Variants in PDLIM2 observed in about 807,000 individuals in gnomAD.
The protein encoded by PDLIM2 is PDZ and LIM domain 2.
Under a neutral mutation model 54.1 loss-of-function variants are expected in PDLIM2, and 51 were observed. That is an observed-to-expected ratio of 0.94 (90% CI 0.75 to 1.19). The LOEUF (loss-of-function observed/expected upper bound fraction) is 1.19. Ranked by LOEUF, PDLIM2 falls within the 50% of genes most tolerant of loss-of-function variation. PDLIM2 has a pLI of 0.00. For missense variants in PDLIM2, 912 were observed against 874.0 expected (o/e 1.04, Z -0.55); for synonymous variants, 398 against 385.6 (o/e 1.03, Z -0.38).
rs150765472 is a variant in PDLIM2, at chr8:22,586,724, C to A, written c.1290+1325C>A. On this transcript the variant is annotated intron_variant, in intron 6 of 9. Transcript: ENST00000308354. The stretch of plus-strand genomic sequence containing the variant: ...TGGTGGGCTGTGGTCTCAGCAGGAC[C>A]CACGTGCTCAAGGGCAAGCCTTCCC... 8.5e-5 allele frequency among the ~76,000 whole-genome samples: 13 copies of A among 152,266 alleles called. No homozygotes were observed. The East Asian group carries it at 2.1e-3, about 25-fold the overall frequency.
downstream of PDLIM2, chr8:22,594,678 C>A: frequency 6.3e-7 from 1 of 1,596,152 alleles, no homozygotes; most frequent in Non-Finnish European, 8.5e-7. Context: ...GGACCGGCCG[C>A]CCACCAAGGG....
In PDLIM2 at chr8:22,584,998, A is replaced by T; in HGVS notation, c.1066-19A>T. ...GCGGGGCAGCCCTGCCTTTCCTGAC[A>T]CAGTCACTCTCTCCACAGGGCTCCG... is the stretch of plus-strand genomic sequence containing the variant. On this transcript the variant is annotated intron_variant, in intron 4 of 9. Coordinates refer to ENST00000308354, the Ensembl canonical transcript of PDLIM2. The T allele has an allele frequency of 6.2e-7, 1 of 1,613,298 alleles. No individual in the cohort carries two copies. The highest frequency in any genetic ancestry group is 8.5e-7 in the Non-Finnish European group (1 of 1,179,596).
At chr8:22,586,122 C>G (rs779645441) in intron 6 of PDLIM2, among the ~76,000 whole-genome samples, 2 of 152,174 alleles carry the variant, frequency 1.3e-5, no homozygotes, top group African/African-American at 2.4e-5. Flanking sequence ...TATGGCCCAG[C>G]TGCTGAGCCC....
chr8:22,589,773 AG>A, intron 8 of PDLIM2, 32 bp downstream of exon 7: 4 of 1,553,216 alleles, frequency 2.6e-6, no homozygotes, highest in Non-Finnish European at 3.5e-6. Flanking sequence ...GAGGGGAAGG[AG>A]GTTCCCTTCC....
chr8:22,579,551 C>G (rs937984764), intron 1 of PDLIM2: 13 of 1,439,384 alleles, frequency 9.0e-6, no homozygotes, highest in South Asian at 4.1e-5. Flanking sequence ...GGGGCGGCCG[C>G]GAGCCGGCCT....
intron 9 of PDLIM2, chr8:22,591,984 C>G: frequency 4.4e-6 from 1 of 226,316 alleles, no homozygotes; most frequent in Non-Finnish European, 8.6e-6. Flanking sequence ...GAAAATCTTG[C>G]TCTTTCCCCT....
rs1481384231 is a variant in PDLIM2, at chr8:22,585,034, C to A, written c.1083C>A (p.Tyr361Ter). ...CTCCACAGGGCTCCGTGAGGACATA[C>A]ACTGAGAGTCAGTCCTCCTTAAGGT... Residue 361 changes from tyrosine (Y) to a stop codon, truncating the protein, a stop_gained, in exon 5 of 10, where the codon TAC (tyrosine) becomes TAA (stop). Coordinates refer to ENST00000308354, the Ensembl canonical transcript of PDLIM2. LOFTEE classifies it high-confidence loss of function. The A allele has an allele frequency of 1.9e-6, 3 of 1,613,864 alleles. No homozygotes were observed. The highest frequency in any genetic ancestry group is 2.5e-6 in the Non-Finnish European group (3 of 1,179,968).
chr8:22,594,015 T>C (rs1800628539), exon 10 of PDLIM2: 2 of 1,469,730 alleles, frequency 1.4e-6, no homozygotes, highest in Non-Finnish European at 1.8e-6. Flanking sequence ...TGAGCTAAGT[T>C]TGGAGACCTG....
At chr8:22,595,269 C>T (rs2117375700), downstream of PDLIM2, 1 of 152,396 alleles carries the variant, frequency 6.6e-6, no homozygotes, top group South Asian at 2.1e-4. Context: ...ATCATTGTCT[C>T]ACCTTTTGCC....
intron 6 of PDLIM2, 101 bp from the exon 6 acceptor site, chr8:22,589,197 C>T (rs1297672382): frequency 3.1e-6 from 4 of 1,281,038 alleles, no homozygotes; most frequent in African/African-American, 1.5e-5. Context: ...GGGCCGGGGG[C>T]CCCCTGGTGT....
chr8:22,595,027 G>A (rs546953608), downstream of PDLIM2: 1 of 169,770 alleles, frequency 5.9e-6, no homozygotes, highest in Non-Finnish European at 1.3e-5. Context: ...TCCCCTGCCA[G>A]CCTAGGATTT....
At chr8:22,581,196 T>TGCCAC in intron 2 of PDLIM2, 183 bp from the exon 2 acceptor site, 1 of 726,392 alleles carries the variant, frequency 1.4e-6, no homozygotes, top group Non-Finnish European at 2.3e-6. Flanking sequence ...GGGTGGGGGC[T>TGCCAC]GCCACCTGCG....
chr8:22,581,342 GC>G, intron 2 of PDLIM2, 36 bp from the exon 2 acceptor site: 1 of 1,561,374 alleles, frequency 6.4e-7, no homozygotes, highest in South Asian at 1.2e-5. Flanking sequence ...CTCCAGCTGG[GC>G]CACGGTCTGA....
intron 3 of PDLIM2, among the ~76,000 whole-genome samples, chr8:22,583,142 C>G (rs1238968098): frequency 6.6e-6 from 1 of 152,102 alleles, no homozygotes; most frequent in Non-Finnish European, 1.5e-5. Flanking sequence ...TGTCCCTCAG[C>G]CCAGACTTCA....
At chr8:22,582,618 T>C (rs2117340442) in intron 3 of PDLIM2, among the ~76,000 whole-genome samples, 1 of 149,106 alleles carries the variant, frequency 6.7e-6, no homozygotes, top group African/African-American at 2.5e-5. Context: ...AGTCTCGCTC[T>C]GTTGCCAGGC....
At chr8:22,583,854 GAAAAAAAAAAAAAAAAAAAAA>G (rs530039600) in intron 3 of PDLIM2, among the ~76,000 whole-genome samples, 1 of 79,132 alleles carries the variant, frequency 1.3e-5, no homozygotes, top group South Asian at 4.1e-4. Context: ...AGGCAAAATA[GAAAAAAAAAAAAAAAAAAAAA>G]AAAAAAAAAG....
intron 2 of PDLIM2, chr8:22,581,029 C>G (rs576653253): frequency 3.0e-6 from 2 of 658,614 alleles, no homozygotes; most frequent in Admixed American, 4.2e-5. Flanking sequence ...TTGACCTGGG[C>G]CCAGGCTGGG....
chr8:22,587,500 C>CCCCTGCCCTG (rs1187011517), intron 6 of PDLIM2, among the ~76,000 whole-genome samples: 5 of 152,118 alleles, frequency 3.3e-5, no homozygotes, highest in African/African-American at 7.2e-5. Context: ...TACCCCTGAC[C>CCCCTGCCCTG]CCCTGCCCTG....
chr8:22,584,924 C>G (rs1311376412), intron 4 of PDLIM2, 34 bp downstream of exon 3: 1 of 1,614,048 alleles, frequency 6.2e-7, no homozygotes, highest in Non-Finnish European at 8.5e-7. Context: ...AGCCTCAGCA[C>G]CCTGATCACT....
Sources: gnomAD v4.1 joint callset for allele counts (sites outside exome capture counted in the v4.1 genomes callset) on GRCh38, gnomAD v4.1.1 for gene constraint, MANE v1.5 for transcripts, NCBI Gene and HGNC (gene_info 2026-07-23, HGNC 2026-07-21) for gene names.